Variants in ITGA2 observed in about 807,000 individuals in gnomAD.
ITGA2 encodes the protein integrin alpha-2.
A neutral mutation model predicts 146.3 loss-of-function variants in ITGA2; 101 were observed. The ratio of observed to expected loss-of-function variants is 0.69; its 90% confidence interval spans 0.59 to 0.81. The LOEUF (loss-of-function observed/expected upper bound fraction) is 0.81, where lower values mean the gene tolerates loss of function less well. ITGA2 is among the 40% of genes least tolerant of loss of function. The pLI is 0.00. For synonymous variants in ITGA2, 477 were observed against 487.1 expected (o/e 0.98, Z 0.27); for missense variants, 1,281 against 1,402.7 (o/e 0.91, Z 1.39).
chr5:53,052,633 C>T (rs968268413), intron 7 of ITGA2, among the ~76,000 whole-genome samples: 1 of 151,976 alleles, frequency 6.6e-6, no homozygotes, highest in African/African-American at 2.4e-5. Context: ...CCCTCTTCAT[C>T]CCCCAACCCT....
At chr5:53,013,891 T>C (rs1344098211) in intron 1 of ITGA2, among the ~76,000 whole-genome samples, 1 of 152,166 alleles carries the variant, frequency 6.6e-6, no homozygotes, top group African/African-American at 2.4e-5. Flanking sequence ...TTTTCTTGTT[T>C]TGGCCCTCAG....
At chr5:53,007,689 T>C (rs1314324245) in intron 1 of ITGA2, among the ~76,000 whole-genome samples, 2 of 152,172 alleles carry the variant, frequency 1.3e-5, no homozygotes, top group South Asian at 2.1e-4. Flanking sequence ...TACCAGATGG[T>C]GGCTTACCCT....
chr5:53,017,583 C>T (rs545750545), intron 1 of ITGA2, among the ~76,000 whole-genome samples: 4 of 152,314 alleles, frequency 2.6e-5, no homozygotes, highest in Admixed American at 2.6e-4. Flanking sequence ...GCAGCTGTGG[C>T]AGCATGGCCG....
At chr5:53,026,640 A>G in intron 1 of ITGA2, 108 bp from the exon 2 acceptor site, 8 of 995,008 alleles carry the variant, frequency 8.0e-6, no homozygotes, top group South Asian at 2.8e-5. Flanking sequence ...TTGATAAGTA[A>G]TAATTATTAG....
At chr5:52,992,428 C>T (rs1439288015) in intron 1 of ITGA2, among the ~76,000 whole-genome samples, 1 of 152,198 alleles carries the variant, frequency 6.6e-6, no homozygotes, top group African/African-American at 2.4e-5. Context: ...GCTAGACAGT[C>T]TGTAAGTAAG....
Position 53,058,104 on chromosome 5 carries a change from G to A in ITGA2, c.1173+3G>A. The stretch of plus-strand genomic sequence containing the variant: ...GTGCAGATTACTCTTCTCAAAATGT[G>A]CGTATATCAGATAGCTTCAAGCCAT... On this transcript the variant is annotated splice_donor_region_variant and intron_variant, in intron 10 of 29. Transcript: ENST00000296585. 6.2e-7 allele frequency: 1 copy of A among 1,603,900 alleles called. No homozygotes were observed.
chr5:53,016,942 T>C (rs1242796561), intron 1 of ITGA2, among the ~76,000 whole-genome samples: 1 of 152,244 alleles, frequency 6.6e-6, no homozygotes, highest in African/African-American at 2.4e-5. Flanking sequence ...CAGATGAATA[T>C]TTCTTTCTTG....
intron 2 of ITGA2, among the ~76,000 whole-genome samples, chr5:53,030,224 G>GA (rs1173670808): frequency 2.0e-5 from 3 of 152,194 alleles, no homozygotes; most frequent in African/African-American, 7.2e-5. Flanking sequence ...AGACATTGTT[G>GA]AAAGACAAGT....
intron 3 of ITGA2, among the ~76,000 whole-genome samples, chr5:53,044,106 C>G (rs779006475): frequency 1.3e-5 from 2 of 151,518 alleles, no homozygotes; most frequent in Admixed American, 1.3e-4. Context: ...GAAACCCCAT[C>G]TCTACTAAAA....
intron 10 of ITGA2, 57 bp from the exon 11 acceptor site, chr5:53,059,817 A>T (rs1265035064): frequency 5.2e-6 from 8 of 1,538,864 alleles, no homozygotes; most frequent in Non-Finnish European, 7.2e-6. Flanking sequence ...CCTACCCTGC[A>T]TTCTTATGTT....
chr5:52,995,885 A>G (rs1421343998), intron 1 of ITGA2, among the ~76,000 whole-genome samples: 1 of 152,194 alleles, frequency 6.6e-6, no homozygotes, highest in Non-Finnish European at 1.5e-5. Flanking sequence ...GGAAATGTGA[A>G]GGGAGAGAGT....
intron 7 of ITGA2, among the ~76,000 whole-genome samples, chr5:53,053,303 T>C (rs1442414624): frequency 6.6e-6 from 1 of 152,162 alleles, no homozygotes; most frequent in Non-Finnish European, 1.5e-5. Context: ...ATTGGTTTGG[T>C]TCATCATTAC....
chr5:53,039,471 C>A (rs749117236), intron 2 of ITGA2, among the ~76,000 whole-genome samples: 2 of 151,942 alleles, frequency 1.3e-5, no homozygotes, highest in Non-Finnish European at 2.9e-5. Flanking sequence ...AATACATGCT[C>A]CCCAGAAGAA....
At chr5:53,005,033 A>C (rs542214356) in intron 1 of ITGA2, among the ~76,000 whole-genome samples, 1 of 150,476 alleles carries the variant, frequency 6.6e-6, no homozygotes, top group African/African-American at 2.5e-5. Context: ...TATGTGTTCA[A>C]AAGATCTAAT....
rs775493069 is a variant in ITGA2, at chr5:53,075,267, A to T, written c.2788A>T (p.Ile930Phe). 6.2e-7 allele frequency: 1 copy of T among 1,612,814 alleles called. No individual in the cohort carries two copies. The highest frequency in any genetic ancestry group is 8.5e-7 in the Non-Finnish European group (1 of 1,179,322). The stretch of plus-strand genomic sequence containing the variant: ...GGCTGATAATTTGGTCAACCTCAAA[A>T]TTCCTCTCCTGTATGATGCTGAAAT... ...NKADNLVNLK[I>F]PLLYDAEIHL... The change falls in exon 23 of 30, where the codon ATT becomes TTT. Residue 930 changes from isoleucine (I) to phenylalanine (F), a missense_variant. Physicochemically the swap from Ile to Phe is conservative, Grantham distance 21. Around this residue, in one of 3 missense-constraint regions of ITGA2, gnomAD observed 475 missense variants for 530.5 expected, o/e 0.90. Transcript: ENST00000296585.
intron 1 of ITGA2, among the ~76,000 whole-genome samples, chr5:53,013,325 G>T (rs1336716512): frequency 6.6e-6 from 1 of 150,684 alleles, no homozygotes; most frequent in Non-Finnish European, 1.5e-5. Flanking sequence ...TGACTAGCCA[G>T]TTATCCCAAC....
intron 1 of ITGA2, among the ~76,000 whole-genome samples, chr5:53,019,598 T>C (rs1742566776): frequency 6.6e-6 from 1 of 152,212 alleles, no homozygotes; most frequent in African/African-American, 2.4e-5. Flanking sequence ...TGATCTCGGC[T>C]CACTCCAACT....
chr5:53,044,842 A>T (rs1004766696), intron 3 of ITGA2, among the ~76,000 whole-genome samples, 159 bp from the exon 4 acceptor site: 7 of 152,232 alleles, frequency 4.6e-5, no homozygotes, highest in African/African-American at 1.7e-4. Context: ...CACTGAAAGC[A>T]TCGCGTTTCC....
At chr5:53,049,991 C>A (rs542299923) in intron 6 of ITGA2, among the ~76,000 whole-genome samples, 1 of 152,134 alleles carries the variant, frequency 6.6e-6, no homozygotes, top group Non-Finnish European at 1.5e-5. Flanking sequence ...ATCTCAATAC[C>A]CACAGAAGCT....
Sources: allele counts gnomAD v4.1 joint callset (sites outside exome capture counted in the v4.1 genomes callset), GRCh38; gene constraint gnomAD v4.1.1; regional missense constraint gnomAD v4.1.1; transcripts MANE v1.5; gene names NCBI Gene and HGNC (gene_info 2026-07-23, HGNC 2026-07-21).